TMEM59L: variants seen among roughly 807,000 people sequenced by gnomAD.
The protein encoded by TMEM59L is transmembrane protein 59 like, also known as transmembrane protein 59-like.
A neutral mutation model predicts 39.6 loss-of-function variants in TMEM59L; 31 were observed. The ratio of observed to expected loss-of-function variants is 0.78; its 90% CI spans 0.59 to 1.06. The LOEUF is 1.06. TMEM59L is among the 50% of genes least tolerant of loss of function. The pLI, the probability that TMEM59L is intolerant of heterozygous loss-of-function variation, is 0.00. For missense variants in TMEM59L, 441 were observed against 451.3 expected, an observed-to-expected ratio of 0.98 and a Z score of 0.21; for synonymous variants, 219 against 202.9, an observed-to-expected ratio of 1.08 and a Z score of -0.68.
At chr19:18,618,585 T>G (rs1337772813) in intron 7 of TMEM59L, 93 bp downstream of exon 7, 1 of 1,151,424 alleles carries the variant, frequency 8.7e-7, no homozygotes, top group Non-Finnish European at 1.2e-6. Context: ...CCTGCTCCCA[T>G]GGAGGCCAGG....
chr19:18,614,419 C>G (rs1344322219), intron 3 of TMEM59L, among the ~76,000 whole-genome samples: 1 of 152,214 alleles, frequency 6.6e-6, no homozygotes, highest in Non-Finnish European at 1.5e-5. Flanking sequence ...CAGAAAACAG[C>G]CATCATTTAT....
chr19:18,618,131 G>A lies in TMEM59L; in HGVS notation c.665-24G>A, dbSNP rs776238637. On this transcript the variant is annotated intron_variant, in intron 5 of 7. Transcript: ENST00000262817. ...GCCTCTTAGCAAAGACCTGGTGGTC[G>A]CTGAGTGGCAGCTGATCTCTCAGAC... 18 of 1,581,364 alleles carry A rather than the reference G, an allele frequency of 1.1e-5. No homozygotes were observed. The East Asian group carries it at 2.2e-4, about 20-fold the overall frequency.
intron 5 of TMEM59L, chr19:18,617,686 T>C (rs754227886): frequency 4.0e-5 from 18 of 451,060 alleles, no homozygotes; most frequent in Non-Finnish European, 5.3e-5. Flanking sequence ...CAGGGTTCTG[T>C]GGCCCATCCC....
chr19:18,616,014 T>C lies in TMEM59L; in HGVS notation c.448T>C (p.Leu150=). The C allele has an allele frequency of 1.2e-6, 2 of 1,614,084 alleles. No individual in the cohort carries two copies. The highest frequency in any genetic ancestry group is 1.7e-6 in the Non-Finnish European group (2 of 1,179,990). Residue 150 remains leucine, a synonymous_variant, in exon 4 of 8, where the codon TTG becomes CTG. Transcript: ENST00000262817. Reference sequence around the variant, plus strand: ...GGCTCCAAGTGGGGCCCTCTCCCTCTTGGACTTGTTTTCCACCCTCTGCAA... The same window carrying C: ...GGCTCCAAGTGGGGCCCTCTCCCTCCTGGACTTGTTTTCCACCCTCTGCAA... ...LEAPSGALSL[L]DLFSTLCNDL... is the part of the protein sequence containing the mutation.
In TMEM59L at chr19:18,618,465, C is replaced by A. The variant is rs150780487; in HGVS notation, c.873C>A (p.Thr291=). ...GGCTGAGCTGCTCCACCCTGGTGAC[C>A]GCGCCTGGCCAGCACCTCAAGTTCC... ...MLWLSCSTLV[T]APGQHLKFQP... is the part of the protein sequence containing the mutation. The change falls in exon 7 of 8, where the codon ACC becomes ACA. Residue 291 remains threonine (T), a synonymous_variant. Transcript: ENST00000262817. The A allele has an allele frequency of 6.2e-7, 1 of 1,604,896 alleles. No homozygotes were observed. Among genetic ancestry groups the A allele is most frequent in the Non-Finnish European group, 8.5e-7 (1 of 1,177,912 alleles).
At position 18,620,848 on chromosome 19, in the gene TMEM59L, A is replaced by C. The variant is rs1043192; in HGVS notation, c.*312A>C. Reference sequence around the variant, plus strand: ...CTGTGTCACCTTCCTTTTTCCTTCTATGTCCCCTCTCTGCGGGGGGGGCGC... The same window carrying C: ...CTGTGTCACCTTCCTTTTTCCTTCTCTGTCCCCTCTCTGCGGGGGGGGCGC... On this transcript the variant is annotated 3_prime_UTR_variant, in exon 8 of 8. Coordinates refer to ENST00000262817, the MANE Select transcript of TMEM59L (RefSeq NM_012109.3). The C allele has an allele frequency of 0.62, 128,250 of 206,386 alleles. 41,055 individuals carry two copies. Among genetic ancestry groups the C allele is most frequent in the African/African-American group, 0.82 (35,427 of 43,436 alleles). The allele number at this position is 206,386 out of a possible 1,614,324, so 12.8% of individuals were successfully genotyped here.
chr19:18,613,461 C>T (rs1976392454), intron 1 of TMEM59L, among the ~76,000 whole-genome samples: 1 of 151,814 alleles, frequency 6.6e-6, no homozygotes, highest in South Asian at 2.1e-4. Context: ...TCCTCCTCCA[C>T]ATCGTGTTCC....
At chr19:18,614,316 C>A in intron 3 of TMEM59L, 121 bp downstream of exon 3, 1 of 1,123,104 alleles carries the variant, frequency 8.9e-7, no homozygotes, top group Non-Finnish European at 1.3e-6. Context: ...ACCAGGCCTG[C>A]AGGGCAACCT....
intron 3 of TMEM59L, 104 bp downstream of exon 3, chr19:18,614,299 G>A (rs536493780): frequency 5.3e-6 from 7 of 1,330,010 alleles, no homozygotes; most frequent in East Asian, 5.0e-5. Flanking sequence ...CAGACTCTGC[G>A]TTCTATACCA....
intron 3 of TMEM59L, among the ~76,000 whole-genome samples, chr19:18,614,955 A>T (rs1976412125): frequency 6.6e-6 from 1 of 152,062 alleles, no homozygotes; most frequent in African/African-American, 2.4e-5. Context: ...CTGCACTGTC[A>T]GCCCTTCCAA....
chr19:18,613,846 G>T, intron 1 of TMEM59L, 26 bp from the exon 2 acceptor site: 1 of 1,585,034 alleles, frequency 6.3e-7, no homozygotes, highest in South Asian at 1.1e-5. Context: ...CCCATGGCCT[G>T]AGCCCCCTGT....
intron 3 of TMEM59L, 57 bp downstream of exon 3, chr19:18,614,252 C>G (rs1976404998): frequency 4.0e-6 from 6 of 1,518,368 alleles, no homozygotes; most frequent in Non-Finnish European, 5.3e-6. Context: ...CCCTCTTCAC[C>G]CCGTGGGAAA....
intron 4 of TMEM59L, among the ~76,000 whole-genome samples, chr19:18,616,384 TTTTTTGTTG>T (rs1024970108): frequency 3.8e-4 from 18 of 46,814 alleles, no homozygotes; most frequent in Non-Finnish European, 5.1e-4. Context: ...GCTGTGGTTT[TTTTTTGTTG>T]TTGTTGTTGT....
Position 18,613,091 on chromosome 19 carries a change from C to T in TMEM59L, c.133C>T (p.Arg45Trp). ...CGGGGACACGCAGAACTGCCAGCTG[C>T]GGTGCCGCGACCGCGACCTCGGCCC... The part of the protein sequence containing the change: ...QLGDTQNCQL[R>W]CRDRDLGPQP... The change falls in exon 1 of 8, where the codon CGG becomes TGG. Residue 45 changes from arginine to tryptophan, a missense_variant. Physicochemically the swap from Arg to Trp is moderately radical, Grantham distance 101. Coordinates refer to ENST00000262817, the MANE Select transcript of TMEM59L (RefSeq NM_012109.3). The T allele has an allele frequency of 2.2e-6, 3 of 1,333,572 alleles. No individual in the cohort carries two copies. The highest frequency in any genetic ancestry group is 3.9e-5 in the South Asian group (2 of 50,966). The allele number at this position is 1,333,572 out of a possible 1,614,324, so 82.6% of individuals were successfully genotyped here.
At chr19:18,616,172 G>T (rs1033006825) in intron 4 of TMEM59L, 45 bp downstream of exon 4, 4 of 1,608,976 alleles carry the variant, frequency 2.5e-6, no homozygotes, top group Non-Finnish European at 3.4e-6. Flanking sequence ...AGATGGGTGG[G>T]CAGGGTAAGA....
At chr19:18,618,640 C>T (rs1976458433) in intron 7 of TMEM59L, 148 bp downstream of exon 7, 1 of 539,782 alleles carries the variant, frequency 1.9e-6, no homozygotes, top group Admixed American at 3.4e-5. Flanking sequence ...CATATATATA[C>T]ATATACGTGT....
At position 18,612,972 on chromosome 19, in the gene TMEM59L, C is replaced by G. The variant is rs1429879738; in HGVS notation, c.14C>G (p.Ala5Gly). The G allele has an allele frequency of 3.7e-6, 5 of 1,340,000 alleles. No individual in the cohort carries two copies. The highest frequency in any genetic ancestry group is 2.8e-4 in the Middle Eastern group (1 of 3,636). 83.0% of individuals were successfully genotyped at this position (1,340,000 alleles called of 1,614,324 possible). Residue 5 changes from alanine (A) to glycine (G), a missense_variant, in exon 1 of 8, where the codon GCG becomes GGG. Coordinates refer to ENST00000262817, the MANE Select transcript of TMEM59L (RefSeq NM_012109.3). The surrounding 1 kb of genome is among the most constrained non-coding windows in gnomAD (Gnocchi z 6.2). ...TTCCGCCCGGCCATGGCTGCGGTGG[C>G]GCTGATGCCACCGCCGCTGCTGCTG... is the stretch of plus-strand genomic sequence containing the variant. MAAV[A>G]LMPPPLLLLL...
intron 1 of TMEM59L, 50 bp from the exon 2 acceptor site, chr19:18,613,822 T>C (rs1976396828): frequency 6.3e-6 from 5 of 792,090 alleles, no homozygotes; most frequent in Non-Finnish European, 1.0e-5. Context: ...CCCCCCACCC[T>C]CCTCCTGCCC....
intron 7 of TMEM59L, 107 bp downstream of exon 7, chr19:18,618,599 T>C: frequency 1.1e-6 from 1 of 948,958 alleles, no homozygotes; most frequent in Non-Finnish European, 1.6e-6. Context: ...GGCCAGGACC[T>C]CAGACATTTT....
Sources: allele counts gnomAD v4.1 joint callset (sites outside exome capture counted in the v4.1 genomes callset), GRCh38; gene constraint gnomAD v4.1.1; non-coding constraint Gnocchi (gnomAD v3.1); transcripts MANE v1.5; gene names NCBI Gene and HGNC (gene_info 2026-07-23, HGNC 2026-07-21).